Variants in GALNT6 observed in about 807,000 individuals in gnomAD.
The protein encoded by GALNT6 is polypeptide N-acetylgalactosaminyltransferase 6.
A neutral mutation model predicts 65.9 loss-of-function variants in GALNT6; 51 were observed. The ratio of observed to expected loss-of-function variants is 0.77; its 90% CI spans 0.62 to 0.98. The LOEUF is 0.98. GALNT6 is among the 50% of genes least tolerant of loss of function. The pLI, the probability that GALNT6 is intolerant of heterozygous loss-of-function variation, is 0.00. For missense variants in GALNT6, 708 were observed against 803.3 expected, an observed-to-expected ratio of 0.88 and a Z score of 1.43; for synonymous variants, 323 against 315.1, an observed-to-expected ratio of 1.02 and a Z score of -0.26.
intron 2 of GALNT6, among the ~76,000 whole-genome samples, chr12:51,385,814 A>C (rs1014947665): frequency 6.6e-6 from 1 of 152,120 alleles, no homozygotes; most frequent in Non-Finnish European, 1.5e-5. Context: ...CAAGTTTTAC[A>C]TATAGCAGGT....
intron 2 of GALNT6, among the ~76,000 whole-genome samples, chr12:51,390,327 T>A (rs1253556652): frequency 6.6e-6 from 1 of 152,042 alleles, no homozygotes; most frequent in Non-Finnish European, 1.5e-5. Context: ...CATGCCCGGC[T>A]AACTTTTTGT....
intron 2 of GALNT6, among the ~76,000 whole-genome samples, chr12:51,384,320 A>G (rs1947761311): frequency 1.3e-5 from 2 of 152,236 alleles, no homozygotes; most frequent in Non-Finnish European, 2.9e-5. Flanking sequence ...GCTTGTATCA[A>G]ACTGCTGATT....
At chr12:51,359,506 C>T in intron 7 of GALNT6, 174 bp from the exon 8 acceptor site, 2 of 534,998 alleles carry the variant, frequency 3.7e-6, no homozygotes, top group Middle Eastern at 4.9e-4. Context: ...TAGGCCATGA[C>T]TACACGATCC....
intron 5 of GALNT6, among the ~76,000 whole-genome samples, chr12:51,365,184 G>A (rs1235133602): frequency 6.6e-6 from 1 of 152,128 alleles, no homozygotes; most frequent in Admixed American, 6.5e-5. Context: ...CCGGGGCCCC[G>A]GTGATCACTG....
chr12:51,372,591 C>T (rs1947325524), intron 4 of GALNT6, among the ~76,000 whole-genome samples: 1 of 152,158 alleles, frequency 6.6e-6, no homozygotes, highest in Non-Finnish European at 1.5e-5. Flanking sequence ...AAGTCCAGGA[C>T]AGACAGAGAG....
chr12:51,363,419 G>C (rs1018441218), intron 6 of GALNT6, among the ~76,000 whole-genome samples: 1 of 152,116 alleles, frequency 6.6e-6, no homozygotes, highest in Non-Finnish European at 1.5e-5. Context: ...GCAAAATCTG[G>C]CTGCCTGGTT....
chr12:51,375,299 T>G (rs1947415061), intron 4 of GALNT6, among the ~76,000 whole-genome samples: 1 of 152,194 alleles, frequency 6.6e-6, no homozygotes, highest in Non-Finnish European at 1.5e-5. Context: ...GGGAATGCCC[T>G]TCATCCACTC....
At chr12:51,363,713 C>T (rs934424054) in intron 6 of GALNT6, among the ~76,000 whole-genome samples, 7 of 152,218 alleles carry the variant, frequency 4.6e-5, no homozygotes, top group African/African-American at 1.7e-4. Flanking sequence ...CCACAATGGC[C>T]TCCATCACAT....
chr12:51,390,206 A>C (rs1425488662), intron 2 of GALNT6, among the ~76,000 whole-genome samples: 1 of 107,254 alleles, frequency 9.3e-6, no homozygotes, highest in African/African-American at 3.6e-5. Context: ...CTTATTGCCC[A>C]GGCTGGAATG....
chr12:51,357,568 GATTTCCCCCGTC>G, intron 9 of GALNT6, 118 bp from the exon 10 acceptor site: 1 of 684,276 alleles, frequency 1.5e-6, no homozygotes, highest in South Asian at 1.6e-5. Flanking sequence ...TGCATGGCTG[GATTTCCCCCGTC>G]ATTTCTCTCC....
intron 2 of GALNT6, among the ~76,000 whole-genome samples, chr12:51,386,487 C>T (rs1465537489): frequency 6.6e-6 from 1 of 152,210 alleles, no homozygotes; most frequent in African/African-American, 2.4e-5. Context: ...GTCAGCCATC[C>T]AGAACATGCC....
At position 51,365,614 on chromosome 12, in the gene GALNT6, A is replaced by G. The variant is rs200507364; in HGVS notation, c.665-35T>C. The G allele has an allele frequency of 5.5e-4, 889 of 1,604,660 alleles. 5 individuals carry two copies. The Middle Eastern group carries it at 6.1e-3, about 11-fold the overall frequency. ...ACAGTGTCATTGTGGCCAGTCCACC[A>G]CTTTGCTGTATACCCAATCCCCTGT... On this transcript the variant is annotated intron_variant, in intron 4 of 11. Transcript: ENST00000356317.
At chr12:51,374,815 C>T (rs1947400644) in intron 4 of GALNT6, among the ~76,000 whole-genome samples, 1 of 152,222 alleles carries the variant, frequency 6.6e-6, no homozygotes, top group Non-Finnish European at 1.5e-5. Flanking sequence ...GACTGTGAGT[C>T]CTCTGCCTCT....
chr12:51,376,005 C>G (rs1018254468), intron 4 of GALNT6, among the ~76,000 whole-genome samples: 1 of 151,972 alleles, frequency 6.6e-6, no homozygotes, highest in African/African-American at 2.4e-5. Flanking sequence ...GGACTACAAG[C>G]GCGCACCACC....
chr12:51,358,663 G>A (rs1309221590), intron 8 of GALNT6, among the ~76,000 whole-genome samples: 1 of 152,090 alleles, frequency 6.6e-6, no homozygotes, highest in Non-Finnish European at 1.5e-5. Context: ...TGGAGCGCCT[G>A]GGGCTACTGT....
Position 51,351,343 on chromosome 12 carries a change from G to A in GALNT6, c.*3036C>T, listed in dbSNP as rs1946612610. 6.6e-6 allele frequency: 1 copy of A among 152,046 alleles called. No individual in the cohort carries two copies. The highest frequency in any genetic ancestry group is 2.1e-4 in the South Asian group (1 of 4,822). The allele number at this position is 152,046 out of a possible 1,614,324, so 9.4% of individuals were successfully genotyped here. A position where few individuals can be genotyped will look rare whatever the true frequency, so the allele number is the denominator to read the frequency against. ...CTCCGTGAAGGCTAAAGTGCCTAGG[G>A]CCCCTGAAATTCATGATGTAACTCT... On this transcript the variant is annotated 3_prime_UTR_variant, in exon 12 of 12. Coordinates refer to ENST00000356317, the MANE Select transcript of GALNT6 (RefSeq NM_007210.4).
chr12:51,358,368 T>A, intron 8 of GALNT6, 107 bp from the exon 9 acceptor site: 2 of 1,288,542 alleles, frequency 1.6e-6, no homozygotes, highest in Non-Finnish European at 2.1e-6. Context: ...TGGTGCAATC[T>A]CGGCTCACTG....
At chr12:51,358,928 C>G (rs770217458) in intron 8 of GALNT6, among the ~76,000 whole-genome samples, 58 of 152,192 alleles carry the variant, frequency 3.8e-4, no homozygotes, top group Non-Finnish European at 6.8e-4. Context: ...TGCAGAGACT[C>G]TATGCGTAGG....
chr12:51,356,214 TTC>T (rs1314529838), intron 10 of GALNT6, among the ~76,000 whole-genome samples: 2 of 151,338 alleles, frequency 1.3e-5, no homozygotes, highest in Admixed American at 6.6e-5. Context: ...GTATATAAAA[TTC>T]TTTTTTATGA....
Sources: allele counts gnomAD v4.1 joint callset (sites outside exome capture counted in the v4.1 genomes callset), GRCh38; gene constraint gnomAD v4.1.1; transcripts MANE v1.5; gene names NCBI Gene and HGNC (gene_info 2026-07-23, HGNC 2026-07-21).